Variants in VWC2 observed in about 807,000 individuals in gnomAD.
The protein encoded by VWC2 is von Willebrand factor C domain containing 2.
Under a neutral mutation model 29.8 loss-of-function variants are expected in VWC2, and 14 were observed. The ratio of observed to expected loss-of-function variants is 0.47; its 90% CI spans 0.31 to 0.74. The LOEUF is 0.74. Ranked by LOEUF, VWC2 falls within the 30% of genes least tolerant of loss-of-function variation. The pLI is 0.05. For synonymous variants in VWC2, 213 were observed against 199.0 expected (o/e 1.07, Z -0.59); for missense variants, 457 against 459.8 (o/e 0.99, Z 0.05).
At chr7:49,884,976 T>C (rs1791834774) in intron 3 of VWC2, among the ~76,000 whole-genome samples, 1 of 152,090 alleles carries the variant, frequency 6.6e-6, no homozygotes, top group Admixed American at 6.6e-5. Flanking sequence ...ATGAAAAGTA[T>C]CAAATTTTTG....
At chr7:49,900,076 G>A (rs1583788881) in intron 3 of VWC2, among the ~76,000 whole-genome samples, 1 of 151,470 alleles carries the variant, frequency 6.6e-6, no homozygotes. Context: ...ATAACACATG[G>A]AGCCTAGAAG....
chr7:49,886,549 T>C (rs2128728884), intron 3 of VWC2, among the ~76,000 whole-genome samples: 1 of 152,334 alleles, frequency 6.6e-6, no homozygotes, highest in South Asian at 2.1e-4. Context: ...TTATCAAATG[T>C]CCCTATTCAG....
At chr7:49,864,218 T>C (rs1790788476) in intron 3 of VWC2, among the ~76,000 whole-genome samples, 1 of 152,190 alleles carries the variant, frequency 6.6e-6, no homozygotes, top group Non-Finnish European at 1.5e-5. Flanking sequence ...TCCAAAGGTT[T>C]CCTTGAATAT....
chr7:49,912,769 C>T lies in VWC2; in HGVS notation c.*584C>T, dbSNP rs1793525834. ...TTTTATAATAATATATGGCTTTTAT[C>T]TGCTTCATTCTCAGTCACTTGTGAA... On this transcript the variant is annotated 3_prime_UTR_variant, in exon 4 of 4. Coordinates refer to ENST00000340652, the MANE Select transcript of VWC2 (RefSeq NM_198570.5). 6.6e-6 allele frequency: 1 copy of T among 152,372 alleles called. No homozygotes were observed. Among genetic ancestry groups the T allele is most frequent in the Non-Finnish European group, 1.5e-5 (1 of 68,096 alleles). 9.4% of individuals were successfully genotyped at this position (152,372 alleles called of 1,614,324 possible).
intron 3 of VWC2, among the ~76,000 whole-genome samples, chr7:49,850,016 T>G (rs555990588): frequency 1.3e-5 from 2 of 152,232 alleles, no homozygotes; most frequent in South Asian, 4.1e-4. Flanking sequence ...CACTGCACAG[T>G]GCACAGGAAG....
intron 2 of VWC2, among the ~76,000 whole-genome samples, chr7:49,798,637 G>T (rs1364483060): frequency 6.6e-6 from 1 of 152,192 alleles, no homozygotes; most frequent in Admixed American, 6.5e-5. Context: ...ACTGGAGCCA[G>T]TGTAGGGAAG....
chr7:49,851,469 C>T (rs905724235), intron 3 of VWC2, among the ~76,000 whole-genome samples: 6 of 152,140 alleles, frequency 3.9e-5, no homozygotes, highest in Non-Finnish European at 5.9e-5. Flanking sequence ...TTGCTTAGCG[C>T]AATGTTATAT....
Position 49,915,846 on chromosome 7 carries a change from A to C in VWC2, c.*3661A>C, listed in dbSNP as rs952397508. On this transcript the variant is annotated 3_prime_UTR_variant, in exon 4 of 4. Transcript: ENST00000340652. ...AAGAGTATCAGATGTACAAATAAGC[A>C]TCATTGGTAAAAACATACATGCTTC... The C allele has an allele frequency of 1.3e-5, 2 of 152,218 alleles. No homozygotes were observed. The highest frequency in any genetic ancestry group is 4.8e-5 in the African/African-American group (2 of 41,460). The allele number at this position is 152,218 out of a possible 1,614,324, so 9.4% of individuals were successfully genotyped here. A position where few individuals can be genotyped will look rare whatever the true frequency, so the allele number is the denominator to read the frequency against.
chr7:49,865,166 C>T (rs1297164643), intron 3 of VWC2, among the ~76,000 whole-genome samples: 1 of 152,066 alleles, frequency 6.6e-6, no homozygotes, highest in Non-Finnish European at 1.5e-5. Flanking sequence ...TATGCCAGTT[C>T]AGGAAGAGGA....
chr7:49,908,181 T>G (rs1449685919), intron 3 of VWC2, among the ~76,000 whole-genome samples: 1 of 152,256 alleles, frequency 6.6e-6, no homozygotes, highest in African/African-American at 2.4e-5. Flanking sequence ...AAGTCTGTTT[T>G]GTCAGTTTTA....
rs1341452940 is a variant in VWC2 at position 49,914,387 on chromosome 7, A to C, written c.*2202A>C. 6.6e-6 allele frequency: 1 copy of C among 152,212 alleles called. No homozygotes were observed. The highest frequency in any genetic ancestry group is 2.4e-5 in the African/African-American group (1 of 41,458). The allele number at this position is 152,212 out of a possible 1,614,324, so 9.4% of individuals were successfully genotyped here. On this transcript the variant is annotated 3_prime_UTR_variant, in exon 4 of 4. Transcript: ENST00000340652. ...GAATGAACCCAGTATCATCTTGGGA[A>C]GTTAACTGACTCACTTGCTCTAAAC... is the stretch of plus-strand genomic sequence containing the variant.
intron 3 of VWC2, among the ~76,000 whole-genome samples, chr7:49,866,560 G>A (rs574671121): frequency 7.9e-4 from 121 of 152,284 alleles, no homozygotes; most frequent in African/African-American, 2.7e-3. Context: ...TCGAGTTCGG[G>A]CTTGCCCATG....
intron 3 of VWC2, among the ~76,000 whole-genome samples, chr7:49,807,325 A>G (rs1453922265): frequency 6.6e-6 from 1 of 152,232 alleles, no homozygotes; most frequent in East Asian, 1.9e-4. Flanking sequence ...CAAAAGCTAA[A>G]GACTGGCTTG....
In VWC2 at chr7:49,914,396, A is replaced by G. The variant is rs1398449847; in HGVS notation, c.*2211A>G. The G allele has an allele frequency of 6.6e-6, 1 of 152,090 alleles. No homozygotes were observed. Among genetic ancestry groups the G allele is most frequent in the Non-Finnish European group, 1.5e-5 (1 of 68,014 alleles). 9.4% of individuals were successfully genotyped at this position (152,090 alleles called of 1,614,324 possible). ...CAGTATCATCTTGGGAAGTTAACTGACTCACTTGCTCTAAACTTAGTTTGA... is the reference window on the plus strand; with the variant it reads ...CAGTATCATCTTGGGAAGTTAACTGGCTCACTTGCTCTAAACTTAGTTTGA... On this transcript the variant is annotated 3_prime_UTR_variant, in exon 4 of 4. Coordinates refer to ENST00000340652, the MANE Select transcript of VWC2 (RefSeq NM_198570.5).
chr7:49,864,719 C>T (rs1029966182), intron 3 of VWC2, among the ~76,000 whole-genome samples: 1 of 152,230 alleles, frequency 6.6e-6, no homozygotes, highest in Non-Finnish European at 1.5e-5. Context: ...TTCAAACAGA[C>T]ATGCACAATA....
At chr7:49,823,351 G>A (rs1483797) in intron 3 of VWC2, among the ~76,000 whole-genome samples, 130,696 of 152,120 alleles carry the variant, frequency 0.86, 56,822 homozygotes, top group East Asian at 0.93. Flanking sequence ...CTCCCCATAC[G>A]GAAGGAAAAA....
intron 3 of VWC2, among the ~76,000 whole-genome samples, chr7:49,810,677 G>T (rs529378748): frequency 6.6e-6 from 1 of 152,226 alleles, no homozygotes; most frequent in South Asian, 2.1e-4. Flanking sequence ...AAAGATAGAC[G>T]ATGGAAAAGA....
At chr7:49,776,590 A>G (rs1336159159) in intron 2 of VWC2, among the ~76,000 whole-genome samples, 1 of 152,238 alleles carries the variant, frequency 6.6e-6, no homozygotes, top group African/African-American at 2.4e-5. Flanking sequence ...TTATGTGTTT[A>G]GGGTATCATG....
At chr7:49,893,068 T>A (rs1442447117) in intron 3 of VWC2, among the ~76,000 whole-genome samples, 3 of 152,226 alleles carry the variant, frequency 2.0e-5, no homozygotes, top group Non-Finnish European at 4.4e-5. Context: ...TATTTTTCCT[T>A]TTTTATTCCT....
Sources: gnomAD v4.1 joint callset for allele counts (sites outside exome capture counted in the v4.1 genomes callset) on GRCh38, gnomAD v4.1.1 for gene constraint, MANE v1.5 for transcripts, NCBI Gene and HGNC (gene_info 2026-07-23, HGNC 2026-07-21) for gene names.